SMAD5: variants seen among roughly 807,000 people sequenced by gnomAD.
The protein encoded by SMAD5 is MAD, mothers against decapentaplegic homolog 5.
SMAD5 carries 9 observed loss-of-function variants against 43.1 expected under a neutral mutation model. The observed-to-expected ratio is 0.21, with a 90% CI of 0.13 to 0.36. SMAD5 has a LOEUF of 0.36. SMAD5 is among the 10% of genes least tolerant of loss of function. The probability of loss-of-function intolerance (pLI) is 1.00; values close to 1 mark genes in which losing one functional copy is unlikely to be tolerated. For missense variants in SMAD5, 348 were observed against 574.0 expected, an observed-to-expected ratio of 0.61 and a Z score of 4.02; for synonymous variants, 190 against 192.4, an observed-to-expected ratio of 0.99 and a Z score of 0.10.
intron 3 of SMAD5, among the ~76,000 whole-genome samples, chr5:136,160,074 T>C (rs974204998): frequency 5.3e-5 from 8 of 152,230 alleles, no homozygotes; most frequent in Non-Finnish European, 1.0e-4. Context: ...CTTGGGTCTT[T>C]AGAGAAAGCG....
rs569505452 is a variant in SMAD5 at position 136,151,297 on chromosome 5, CA to C, written c.-169-2294del. On this transcript the variant is annotated intron_variant, in intron 2 of 7. Transcript: ENST00000545279. The stretch of plus-strand genomic sequence containing the variant: ...AAATGCTATAAAAAATGAACAGGGT[CA>C]GGGGATAGAGAATGTTGTGAGAATG... 7.4e-4 allele frequency among the ~76,000 whole-genome samples: 113 copies of C among 151,996 alleles called. 2 individuals are homozygous for C. The highest frequency in any genetic ancestry group is 7.3e-3 in the Admixed American group (112 of 15,258).
At chr5:136,170,321 G>A (rs1754172578) in intron 5 of SMAD5, among the ~76,000 whole-genome samples, 1 of 152,012 alleles carries the variant, frequency 6.6e-6, no homozygotes, top group Admixed American at 6.6e-5. Flanking sequence ...GTTGTTTCCT[G>A]TATCATTTTT....
chr5:136,138,449 AAAG>A (rs1209488952), intron 1 of SMAD5, among the ~76,000 whole-genome samples: 2 of 152,216 alleles, frequency 1.3e-5, no homozygotes, highest in African/African-American at 2.4e-5. Flanking sequence ...ATGTTCTTAT[AAAG>A]AATAGGATTT....
At chr5:136,155,013 A>G (rs1402013087) in intron 3 of SMAD5, among the ~76,000 whole-genome samples, 1 of 151,928 alleles carries the variant, frequency 6.6e-6, no homozygotes, top group Non-Finnish European at 1.5e-5. Context: ...TTCTCCATTT[A>G]TATTATTTCT....
rs1753803486 is a variant in SMAD5 at position 136,160,946 on chromosome 5, C to T, written c.494C>T (p.Pro165Leu). The stretch of plus-strand genomic sequence containing the variant: ...TTTAGGAACCTGAGCCACAATGAAC[C>T]ACACATGCCACAAAATGCCACGTTT... The part of the protein sequence containing the change: ...VQFRNLSHNE[P>L]HMPQNATFPD... Residue 165 changes from proline to leucine, a missense_variant, in exon 4 of 8, where the codon CCA becomes CTA. Physicochemically the swap from Pro to Leu is moderately conservative, Grantham distance 98. Coordinates refer to ENST00000545279, the MANE Select transcript of SMAD5 (RefSeq NM_005903.7). The T allele has an allele frequency of 6.2e-7, 1 of 1,613,892 alleles. No individual in the cohort carries two copies. Among genetic ancestry groups the T allele is most frequent in the Non-Finnish European group, 8.5e-7 (1 of 1,179,866 alleles).
chr5:136,163,713 C>T (rs1753903378), intron 5 of SMAD5, among the ~76,000 whole-genome samples: 1 of 152,192 alleles, frequency 6.6e-6, no homozygotes, highest in African/African-American at 2.4e-5. Flanking sequence ...TAATTGGAAT[C>T]ATGTAATAAT....
chr5:136,177,048 A>G (rs1353781228), intron 7 of SMAD5, among the ~76,000 whole-genome samples: 1 of 152,148 alleles, frequency 6.6e-6, no homozygotes, highest in African/African-American at 2.4e-5. Context: ...GAGATACTGT[A>G]CTGTGTTACC....
rs192469470 is a variant in SMAD5, at chr5:136,163,960, C to A, written c.775+569C>A. On this transcript the variant is annotated intron_variant, in intron 5 of 7. Coordinates refer to ENST00000545279, the MANE Select transcript of SMAD5 (RefSeq NM_005903.7). ...CTTTGGGAGGCCAAGGCGGGTGGAT[C>A]CCTTGAGATCTGGAGTTCAAAACCC... Among the ~76,000 whole-genome samples, 357 of 152,264 alleles carry A rather than the reference C, an allele frequency of 2.3e-3. 2 individuals are homozygous for A. The highest frequency in any genetic ancestry group is 8.2e-3 in the African/African-American group (341 of 41,538).
rs542942839 is a variant in SMAD5, at chr5:136,182,256, G to A, written c.*4776G>A. 1.3e-5 allele frequency: 2 copies of A among 151,404 alleles called. No homozygotes were observed. The highest frequency in any genetic ancestry group is 2.4e-5 in the African/African-American group (1 of 41,204). 9.4% of individuals were successfully genotyped at this position (151,404 alleles called of 1,614,324 possible). On this transcript the variant is annotated 3_prime_UTR_variant, in exon 8 of 8. Coordinates refer to ENST00000545279, the MANE Select transcript of SMAD5 (RefSeq NM_005903.7). The stretch of plus-strand genomic sequence containing the variant: ...TGGAAAAAAAAAAAAAATCTTTTAG[G>A]GTCAGATTTTCCCTTCTAATATCAT...
At chr5:136,172,310 A>T in intron 5 of SMAD5, 124 bp from the exon 6 acceptor site, 1 of 597,646 alleles carries the variant, frequency 1.7e-6, no homozygotes, top group Non-Finnish European at 3.0e-6. Context: ...GGACAGTGAG[A>T]CTTGTGAAAT....
At position 136,179,468 on chromosome 5, in the gene SMAD5, G is replaced by GA. The variant is rs35464260; in HGVS notation, c.*1998dup. 14,838 of 148,520 alleles carry GA rather than the reference G, an allele frequency of 0.1. 866 individuals are homozygous for GA. Among genetic ancestry groups the GA allele is most frequent in the East Asian group, 0.27 (1,389 of 5,098 alleles). The allele number at this position is 148,520 out of a possible 1,614,324, so 9.2% of individuals were successfully genotyped here. A position where few individuals can be genotyped will look rare whatever the true frequency, so the allele number is the denominator to read the frequency against. Reference sequence around the variant, plus strand: ...ACTTTGTCCTTTCTGCTCTTGTGAAGAAAAAAAAAAGCATTTTCGAGGAAA... The same window carrying GA: ...ACTTTGTCCTTTCTGCTCTTGTGAAGAAAAAAAAAAAGCATTTTCGAGGAAA... On this transcript the variant is annotated 3_prime_UTR_variant, in exon 8 of 8. Coordinates refer to ENST00000545279, the MANE Select transcript of SMAD5 (RefSeq NM_005903.7).
intron 1 of SMAD5, among the ~76,000 whole-genome samples, chr5:136,139,475 C>G (rs1340692955): frequency 6.6e-6 from 1 of 152,108 alleles, no homozygotes; most frequent in Non-Finnish European, 1.5e-5. Flanking sequence ...ACCTTGGAAT[C>G]ATTGTTAACT....
chr5:136,163,432 T>A (rs1753893948), intron 5 of SMAD5, 41 bp downstream of exon 5: 2 of 1,486,560 alleles, frequency 1.3e-6, no homozygotes, highest in African/African-American at 1.4e-5. Flanking sequence ...TAGTAGTAGT[T>A]GTTTTTAACT....
intron 5 of SMAD5, among the ~76,000 whole-genome samples, chr5:136,170,480 G>A (rs1010408779): frequency 7.9e-5 from 12 of 151,916 alleles, no homozygotes; most frequent in African/African-American, 2.9e-4. Context: ...CTTGATTACT[G>A]TATCTTTATA....
intron 1 of SMAD5, among the ~76,000 whole-genome samples, chr5:136,136,358 A>G (rs1436400673): frequency 3.3e-5 from 5 of 151,890 alleles, no homozygotes; most frequent in Admixed American, 1.3e-4. Context: ...TTGTATTTTT[A>G]GTAGAGACGG....
At chr5:136,149,331 A>G (rs1203506917) in intron 2 of SMAD5, among the ~76,000 whole-genome samples, 1 of 151,940 alleles carries the variant, frequency 6.6e-6, no homozygotes, top group Admixed American at 6.6e-5. Context: ...TCTGTTGGAT[A>G]TATACCTAGG....
intron 3 of SMAD5, among the ~76,000 whole-genome samples, chr5:136,157,246 A>G (rs537669096): frequency 6.6e-6 from 1 of 152,264 alleles, no homozygotes; most frequent in East Asian, 1.9e-4. Flanking sequence ...GCAAAAAGAT[A>G]AAAAGATGGA....
intron 5 of SMAD5, among the ~76,000 whole-genome samples, chr5:136,164,191 A>G (rs1286222956): frequency 6.6e-6 from 1 of 152,214 alleles, no homozygotes; most frequent in Non-Finnish European, 1.5e-5. Flanking sequence ...GCGAGGCTCC[A>G]TCTCAAAAAA....
Position 136,179,093 on chromosome 5 carries a change from A to G in SMAD5, c.*1613A>G, listed in dbSNP as rs1042137621. On this transcript the variant is annotated 3_prime_UTR_variant, in exon 8 of 8. Transcript: ENST00000545279. ...ACAAAACACTCACCCATCAACGAAT[A>G]TAGACTCTTCTCTCATTTATCGATG... 6.6e-6 allele frequency: 1 copy of G among 152,250 alleles called. No individual in the cohort carries two copies. The highest frequency in any genetic ancestry group is 1.9e-4 in the East Asian group (1 of 5,194). The allele number at this position is 152,250 out of a possible 1,614,324, so 9.4% of individuals were successfully genotyped here.
Sources: allele counts gnomAD v4.1 joint callset (sites outside exome capture counted in the v4.1 genomes callset), GRCh38; gene constraint gnomAD v4.1.1; transcripts MANE v1.5; gene names NCBI Gene and HGNC (gene_info 2026-07-23, HGNC 2026-07-21).